MXI1: variants seen among roughly 807,000 people sequenced by gnomAD.
MXI1 encodes max-interacting protein 1.
A neutral mutation model predicts 36.9 loss-of-function variants in MXI1; 18 were observed. The observed-to-expected ratio is 0.49, with a 90% CI of 0.34 to 0.72. The LOEUF (loss-of-function observed/expected upper bound fraction) is 0.72. Ranked by LOEUF, MXI1 falls within the 30% of genes least tolerant of loss-of-function variation. The probability of loss-of-function intolerance (pLI) is 0.01; values close to 1 mark genes in which losing one functional copy is unlikely to be tolerated. For missense variants in MXI1, 304 were observed against 379.1 expected (o/e 0.80, Z 1.64); for synonymous variants, 160 against 146.7 (o/e 1.09, Z -0.65).
intron 2 of MXI1, among the ~76,000 whole-genome samples, chr10:110,231,368 C>CA (rs752660831): frequency 1.3e-5 from 2 of 150,596 alleles, no homozygotes; most frequent in South Asian, 4.3e-4. Flanking sequence ...ATCCACCCCC[C>CA]CCCCCTCAAA....
intron 3 of MXI1, among the ~76,000 whole-genome samples, chr10:110,247,742 T>C (rs1032428266): frequency 5.3e-5 from 8 of 152,204 alleles, no homozygotes; most frequent in African/African-American, 1.9e-4. Flanking sequence ...TTTACACTGT[T>C]GGTGGGACTG....
intron 3 of MXI1, among the ~76,000 whole-genome samples, chr10:110,267,616 A>AAATCC (rs1357577888): frequency 6.6e-6 from 1 of 152,232 alleles, no homozygotes; most frequent in Non-Finnish European, 1.5e-5. Flanking sequence ...TTTTGATTAG[A>AAATCC]AATCCCATCT....
At chr10:110,260,133 G>A (rs992934410) in intron 3 of MXI1, among the ~76,000 whole-genome samples, 1 of 151,922 alleles carries the variant, frequency 6.6e-6, no homozygotes, top group African/African-American at 2.4e-5. Context: ...ATGGCCCTTG[G>A]GAGATATGTA....
At chr10:110,219,138 A>G (rs1022883068) in intron 1 of MXI1, among the ~76,000 whole-genome samples, 2 of 152,140 alleles carry the variant, frequency 1.3e-5, no homozygotes, top group African/African-American at 4.8e-5. Context: ...TGTCTCTACT[A>G]AAAGTACAAA....
At chr10:110,256,099 C>G (rs945353947) in intron 3 of MXI1, among the ~76,000 whole-genome samples, 14 of 152,078 alleles carry the variant, frequency 9.2e-5, no homozygotes, top group African/African-American at 3.4e-4. Context: ...AACTGGATAC[C>G]TACATACAAA....
At chr10:110,254,019 A>G (rs1205237815) in intron 3 of MXI1, among the ~76,000 whole-genome samples, 1 of 152,106 alleles carries the variant, frequency 6.6e-6, no homozygotes, top group Non-Finnish European at 1.5e-5. Flanking sequence ...AAAAAAAATA[A>G]AAGGCATCCA....
At chr10:110,229,135 C>T (rs1000241438) in intron 2 of MXI1, among the ~76,000 whole-genome samples, 6 of 152,160 alleles carry the variant, frequency 3.9e-5, no homozygotes, top group African/African-American at 4.8e-5. Context: ...GCTATCTCTT[C>T]GGTGTTTTTA....
intron 1 of MXI1, among the ~76,000 whole-genome samples, chr10:110,222,757 A>G (rs1854849861): frequency 6.6e-6 from 1 of 152,202 alleles, no homozygotes; most frequent in Non-Finnish European, 1.5e-5. Flanking sequence ...GTTCATCGGA[A>G]CAAAAGAAAG....
In MXI1 at chr10:110,287,047, C is replaced by T. The variant is rs1590420698; in HGVS notation, c.*2060C>T. The T allele has an allele frequency of 1.3e-5, 2 of 152,160 alleles. No homozygotes were observed. Among genetic ancestry groups the T allele is most frequent in the Non-Finnish European group, 2.9e-5 (2 of 68,026 alleles). The allele number at this position is 152,160 out of a possible 1,614,324, so 9.4% of individuals were successfully genotyped here. ...TGAGACAGTTTGAAGACTGTGCTACCATACAAAGTGAATGAAGCCAGTGAC... is the reference window on the plus strand; with the variant it reads ...TGAGACAGTTTGAAGACTGTGCTACTATACAAAGTGAATGAAGCCAGTGAC... On this transcript the variant is annotated 3_prime_UTR_variant, in exon 6 of 6. Coordinates refer to ENST00000332674, the MANE Select transcript of MXI1 (RefSeq NM_130439.3).
At chr10:110,253,697 A>G (rs1166655886) in intron 3 of MXI1, among the ~76,000 whole-genome samples, 4 of 152,126 alleles carry the variant, frequency 2.6e-5, no homozygotes, top group Non-Finnish European at 5.9e-5. Context: ...AAATTAACCT[A>G]TAACTTCAGC....
chr10:110,280,352 A>G (rs1310777322), intron 5 of MXI1, among the ~76,000 whole-genome samples: 1 of 151,728 alleles, frequency 6.6e-6, no homozygotes, highest in African/African-American at 2.4e-5. Context: ...TTTTCAAATG[A>G]TTAGATTGAG....
At chr10:110,239,840 A>G (rs1315366065) in intron 2 of MXI1, among the ~76,000 whole-genome samples, 3 of 152,154 alleles carry the variant, frequency 2.0e-5, no homozygotes, top group Admixed American at 2.0e-4. Context: ...AGCTCAATGA[A>G]TTTTTACAAA....
At chr10:110,212,345 C>T (rs753299060) in intron 1 of MXI1, among the ~76,000 whole-genome samples, 26 of 152,218 alleles carry the variant, frequency 1.7e-4, no homozygotes, top group Non-Finnish European at 2.9e-4. Context: ...ATCTCCTCTT[C>T]CTTGCCCTGA....
intron 2 of MXI1, among the ~76,000 whole-genome samples, chr10:110,234,286 ACTAAT>A (rs1374543955): frequency 6.6e-6 from 1 of 152,172 alleles, no homozygotes; most frequent in Non-Finnish European, 1.5e-5. Context: ...TTTTCTAGAT[ACTAAT>A]CTAATCAAAG....
intron 1 of MXI1, among the ~76,000 whole-genome samples, chr10:110,218,255 T>C (rs922058054): frequency 7.2e-5 from 11 of 151,882 alleles, no homozygotes; most frequent in South Asian, 6.2e-4. Context: ...TCGAGACCAT[T>C]CTGGCTAACA....
chr10:110,273,787 G>A (rs1460477451), intron 3 of MXI1, among the ~76,000 whole-genome samples: 3 of 152,152 alleles, frequency 2.0e-5, no homozygotes, highest in Non-Finnish European at 4.4e-5. Flanking sequence ...GTAAAGTCTA[G>A]GTATCCTATA....
chr10:110,244,786 A>G, intron 2 of MXI1, 42 bp from the exon 3 acceptor site: 1 of 1,554,162 alleles, frequency 6.4e-7, no homozygotes, highest in Non-Finnish European at 8.8e-7. Flanking sequence ...TAGCTTTAGC[A>G]ACAAAGCATG....
chr10:110,243,006 TCTTA>T (rs1855729533), intron 2 of MXI1, among the ~76,000 whole-genome samples: 1 of 152,010 alleles, frequency 6.6e-6, no homozygotes, highest in Non-Finnish European at 1.5e-5. Context: ...GGGTGGGGAA[TCTTA>T]CTATTGATTA....
At chr10:110,233,130 A>G (rs1359882127) in intron 2 of MXI1, among the ~76,000 whole-genome samples, 1 of 152,126 alleles carries the variant, frequency 6.6e-6, no homozygotes, top group African/African-American at 2.4e-5. Context: ...TTAGTGTCCT[A>G]TGGATACTAA....
Sources: allele counts gnomAD v4.1 joint callset (sites outside exome capture counted in the v4.1 genomes callset), GRCh38; gene constraint gnomAD v4.1.1; transcripts MANE v1.5; gene names NCBI Gene and HGNC (gene_info 2026-07-23, HGNC 2026-07-21).